Variants in BTBD7 observed in about 807,000 individuals in gnomAD.
BTBD7 encodes the protein BTB domain containing 7, also known as BTB/POZ domain-containing protein 7.
In BTBD7, 38 loss-of-function variants were observed where a neutral mutation model predicts 99.9. The observed-to-expected ratio is 0.38, with a 90% CI of 0.29 to 0.50. BTBD7 has a LOEUF of 0.50. BTBD7 is among the 20% of genes least tolerant of loss of function. The probability of loss-of-function intolerance (pLI) is 0.93; values close to 1 mark genes in which losing one functional copy is unlikely to be tolerated. For missense variants in BTBD7, 1,170 were observed against 1,394.6 expected, an observed-to-expected ratio of 0.84 and a Z score of 2.57; for synonymous variants, 520 against 511.4, an observed-to-expected ratio of 1.02 and a Z score of -0.23.
chr14:93,261,724 T>C, intron 4 of BTBD7, 47 bp from the exon 5 acceptor site: 2 of 1,421,442 alleles, frequency 1.4e-6, no homozygotes, highest in Non-Finnish European at 2.0e-6. Context: ...ATTAGATAAG[T>C]GGTTAATTTC....
rs780728207 is a variant in BTBD7 at position 93,294,548 on chromosome 14, C to T, written c.472G>A (p.Ala158Thr). The change falls in exon 3 of 11, where the codon GCC becomes ACC. Residue 158 changes from alanine to threonine, a missense_variant. Transcript: ENST00000334746. ...AATGGACACCTTGCTGCCAAAATGG[C>T]ACGATGAACAGGAAAACAAGTTTCT... ...FQETCFPVHRAILAARCPFFK... is the reference protein window; with the variant it reads ...FQETCFPVHRTILAARCPFFK... 6.2e-7 allele frequency: 1 copy of T among 1,613,728 alleles called. No individual in the cohort carries two copies. Among genetic ancestry groups the T allele is most frequent in the East Asian group, 2.2e-5 (1 of 44,896 alleles).
intron 1 of BTBD7, among the ~76,000 whole-genome samples, chr14:93,327,487 A>G (rs1176007255): frequency 6.6e-6 from 1 of 152,208 alleles, no homozygotes; most frequent in Admixed American, 6.5e-5. Context: ...CAACTTCATG[A>G]TAATATATTA....
intron 5 of BTBD7, among the ~76,000 whole-genome samples, chr14:93,259,688 T>A (rs963415603): frequency 6.6e-6 from 1 of 152,120 alleles, no homozygotes; most frequent in Admixed American, 6.6e-5. Context: ...TTTAAAAAAT[T>A]CATAACTTGC....
chr14:93,297,401 T>C (rs1451960148), intron 1 of BTBD7, among the ~76,000 whole-genome samples: 1 of 152,194 alleles, frequency 6.6e-6, no homozygotes, highest in Non-Finnish European at 1.5e-5. Context: ...CGGCTCACTT[T>C]AACCTCTGTC....
intron 3 of BTBD7, among the ~76,000 whole-genome samples, chr14:93,269,492 C>G (rs1357032784): frequency 6.6e-6 from 1 of 152,180 alleles, no homozygotes; most frequent in Non-Finnish European, 1.5e-5. Flanking sequence ...CTAACACAAA[C>G]CCATGACACA....
Position 93,296,001 on chromosome 14 carries a change from C to T in BTBD7, c.51G>A (p.Gly17=). 6.2e-7 allele frequency: 1 copy of T among 1,614,004 alleles called. No individual in the cohort carries two copies. Among genetic ancestry groups the T allele is most frequent in the Non-Finnish European group, 8.5e-7 (1 of 1,179,974 alleles). The change falls in exon 2 of 11, where the codon GGG becomes GGA. Residue 17 remains glycine, a synonymous_variant. Coordinates refer to ENST00000334746, the MANE Select transcript of BTBD7 (RefSeq NM_001002860.4). ...AAGTCTGTTGGGCCTGTGAATTTCC[C>T]CCTACCCTCGGGGAACATGAATGAG... ...NYPHSCSPRV[G]GNSQAQQTFI... is the part of the protein sequence containing the mutation.
At chr14:93,311,030 A>G (rs1595336206) in intron 1 of BTBD7, among the ~76,000 whole-genome samples, 5 of 152,302 alleles carry the variant, frequency 3.3e-5, no homozygotes, top group Admixed American at 2.0e-4. Flanking sequence ...GTCTGTATAG[A>G]AAGGACAGAA....
Position 93,239,835 on chromosome 14 carries a change from A to G in BTBD7, c.*2438T>C, listed in dbSNP as rs141851993. The G allele has an allele frequency of 6.6e-6, 1 of 152,652 alleles. No individual in the cohort carries two copies. The highest frequency in any genetic ancestry group is 2.4e-5 in the African/African-American group (1 of 41,558). The allele number at this position is 152,652 out of a possible 1,614,324, so 9.5% of individuals were successfully genotyped here. A position where few individuals can be genotyped will look rare whatever the true frequency, so the allele number is the denominator to read the frequency against. Reference sequence around the variant, plus strand: ...GAGAATAGTTCATGAATTTTCAGAAAAATGAATGTGTGGGATCAACAGCTC... The same window carrying G: ...GAGAATAGTTCATGAATTTTCAGAAGAATGAATGTGTGGGATCAACAGCTC... On this transcript the variant is annotated 3_prime_UTR_variant, in exon 11 of 11. Transcript: ENST00000334746.
At chr14:93,326,925 C>T (rs1452077212) in intron 1 of BTBD7, among the ~76,000 whole-genome samples, 1 of 152,146 alleles carries the variant, frequency 6.6e-6, no homozygotes, top group African/African-American at 2.4e-5. Context: ...TGCTTTATTA[C>T]CATTGTACCA....
At position 93,251,602 on chromosome 14, in the gene BTBD7, T is replaced by A; in HGVS notation, c.1803A>T (p.Arg601=). ...MVEQTDLVRL[R]MVRMSNVPDT... Reference sequence around the variant, plus strand: ...CTGGCACATTGGACATTCTAACCATTCGCAAGCGCACAAGATCCGTTTGTT... The same window carrying A: ...CTGGCACATTGGACATTCTAACCATACGCAAGCGCACAAGATCCGTTTGTT... Residue 601 remains arginine, a synonymous_variant, in exon 8 of 11, where the codon CGA becomes CGT. Transcript: ENST00000334746. 6.2e-7 allele frequency: 1 copy of A among 1,613,596 alleles called. No individual in the cohort carries two copies. The highest frequency in any genetic ancestry group is 8.5e-7 in the Non-Finnish European group (1 of 1,179,660).
chr14:93,245,010 C>T (rs1188622805), intron 10 of BTBD7, among the ~76,000 whole-genome samples: 1 of 151,866 alleles, frequency 6.6e-6, no homozygotes, highest in African/African-American at 2.4e-5. Flanking sequence ...CAGGCACGTG[C>T]TACCACACTT....
intron 3 of BTBD7, 34 bp downstream of exon 3, chr14:93,293,824 C>T (rs762373541): frequency 6.4e-7 from 1 of 1,565,804 alleles, no homozygotes. Flanking sequence ...ATACATAATT[C>T]TATAAATCAG....
At chr14:93,315,570 A>C (rs192363106) in intron 1 of BTBD7, among the ~76,000 whole-genome samples, 105 of 152,306 alleles carry the variant, frequency 6.9e-4, no homozygotes, top group African/African-American at 2.2e-3. Flanking sequence ...GCAGTCACTC[A>C]CCTCAATTCC....
Position 93,297,275 on chromosome 14 carries a change from C to T in BTBD7, c.-106-1118G>A, listed in dbSNP as rs374813428. On this transcript the variant is annotated intron_variant, in intron 1 of 10. Coordinates refer to ENST00000334746, the MANE Select transcript of BTBD7 (RefSeq NM_001002860.4). Reference sequence around the variant, plus strand: ...CTTATGAATTCATGTTTAAAAATATCGTTAACATTTGTGTTTTCCTACAAT... The same window carrying T: ...CTTATGAATTCATGTTTAAAAATATTGTTAACATTTGTGTTTTCCTACAAT... Among the ~76,000 whole-genome samples, 12 of 152,276 alleles carry T rather than the reference C, an allele frequency of 7.9e-5. 1 individual carries two copies. In the East Asian group the frequency reaches 9.7e-4, roughly 12 times the overall value.
chr14:93,331,762 T>A (rs986189465), intron 1 of BTBD7, among the ~76,000 whole-genome samples: 9 of 152,024 alleles, frequency 5.9e-5, no homozygotes, highest in African/African-American at 2.2e-4. Context: ...GCGCCTGTAA[T>A]CCCAGCTACT....
At chr14:93,296,196 A>G (rs1322137456) in intron 1 of BTBD7, 39 bp from the exon 2 acceptor site, 1 of 1,263,114 alleles carries the variant, frequency 7.9e-7, no homozygotes, top group Non-Finnish European at 1.0e-6. Context: ...CATTTTTTCA[A>G]GTGTATCTCA....
At chr14:93,273,292 C>G (rs2052619694) in intron 3 of BTBD7, among the ~76,000 whole-genome samples, 1 of 152,210 alleles carries the variant, frequency 6.6e-6, no homozygotes, top group African/African-American at 2.4e-5. Flanking sequence ...GGCCTAGATA[C>G]TGGCTGGATT....
intron 1 of BTBD7, among the ~76,000 whole-genome samples, chr14:93,323,697 T>A (rs2053295301): frequency 6.6e-6 from 1 of 152,208 alleles, no homozygotes; most frequent in Non-Finnish European, 1.5e-5. Flanking sequence ...ATAGTTTTTA[T>A]CTAAATGAAA....
chr14:93,305,351 A>G (rs1329331977), intron 1 of BTBD7, among the ~76,000 whole-genome samples: 1 of 152,138 alleles, frequency 6.6e-6, no homozygotes, highest in East Asian at 1.9e-4. Flanking sequence ...TGAAGTCTAC[A>G]CTTAGAGTCT....
Sources: allele counts gnomAD v4.1 joint callset (sites outside exome capture counted in the v4.1 genomes callset), GRCh38; gene constraint gnomAD v4.1.1; transcripts MANE v1.5; gene names NCBI Gene and HGNC (gene_info 2026-07-23, HGNC 2026-07-21).